TENM3: variants seen among roughly 807,000 people sequenced by gnomAD.
The protein encoded by TENM3 is teneurin transmembrane protein 3.
In TENM3, 63 loss-of-function variants were observed where a neutral mutation model predicts 255.1. That is an observed-to-expected ratio of 0.25 (90% CI 0.20 to 0.30). The LOEUF (loss-of-function observed/expected upper bound fraction) is 0.30, where lower values mean the gene tolerates loss of function less well. Ranked by LOEUF, TENM3 falls within the 10% of genes least tolerant of loss-of-function variation. The pLI is 1.00. For missense variants in TENM3, 2,929 were observed against 3,461.1 expected (o/e 0.85, Z 3.86); for synonymous variants, 1,306 against 1,322.3 (o/e 0.99, Z 0.27).
At chr4:181,573,836 G>A in the TENM3 span, among the ~76,000 whole-genome samples, 98 of 152,210 alleles carry the variant, frequency 6.4e-4, no homozygotes, top group African/African-American at 2.3e-3. Flanking sequence ...CCCTCTATGT[G>A]CTGAGCAAAC....
At chr4:181,518,645 T>C in the TENM3 span, among the ~76,000 whole-genome samples, 1 of 152,302 alleles carries the variant, frequency 6.6e-6, no homozygotes, top group African/African-American at 2.4e-5. Context: ...GCCAGGCTGG[T>C]CTCGAACTCC....
In TENM3 at chr4:182,751,843, A is replaced by G. The variant is rs773493122; in HGVS notation, c.3673A>G (p.Thr1225Ala). 13 of 1,613,956 alleles carry G rather than the reference A, an allele frequency of 8.1e-6. No individual in the cohort carries two copies. In the South Asian group the frequency reaches 1.4e-4, roughly 18 times the overall value. ...HRYYLATDPV[T>A]GDLYVSDTNT... ...ATACTACCTTGCAACGGATCCAGTC[A>G]CGGGAGATCTGTACGTTTCTGACAC... The change falls in exon 20 of 28, where the codon ACG becomes GCG. Residue 1225 changes from threonine (T) to alanine (A), a missense_variant. Thr to Ala is a moderately conservative substitution (Grantham distance 58). Around this residue, in one of 6 missense-constraint regions of TENM3, gnomAD observed 1,608 missense variants for 1,884.4 expected, o/e 0.85. Coordinates refer to ENST00000511685, the MANE Select transcript of TENM3 (RefSeq NM_001080477.4).
chr4:181,958,072 C>T, the TENM3 span, among the ~76,000 whole-genome samples: 2 of 152,126 alleles, frequency 1.3e-5, no homozygotes. Flanking sequence ...CTTCTTTGAA[C>T]TAAAATCCTT....
the TENM3 span, among the ~76,000 whole-genome samples, chr4:182,136,973 C>A: frequency 2.7e-5 from 4 of 149,594 alleles, no homozygotes; most frequent in Non-Finnish European, 6.0e-5. Context: ...CTCCAGTCAG[C>A]ATCCCCCCCC....
At chr4:181,665,533 G>A in the TENM3 span, among the ~76,000 whole-genome samples, 1 of 151,952 alleles carries the variant, frequency 6.6e-6, no homozygotes, top group Non-Finnish European at 1.5e-5. Flanking sequence ...GTGCGTGTGT[G>A]TATACGTATA....
chr4:182,151,415 A>G (rs1486411669), intron 1 of TENM3, among the ~76,000 whole-genome samples: 1 of 152,110 alleles, frequency 6.6e-6, no homozygotes, highest in Non-Finnish European at 1.5e-5. Context: ...CATCTATTCT[A>G]ATACTTTTTA....
intron 3 of TENM3, among the ~76,000 whole-genome samples, chr4:182,550,298 A>C (rs1741870622): frequency 6.6e-6 from 1 of 152,260 alleles, no homozygotes; most frequent in Non-Finnish European, 1.5e-5. Context: ...GATTCACAAA[A>C]TAAATGAAAA....
intron 1 of TENM3, among the ~76,000 whole-genome samples, chr4:182,182,322 G>C (rs990662591): frequency 6.6e-6 from 1 of 152,092 alleles, no homozygotes; most frequent in South Asian, 2.1e-4. Context: ...ATATCTACTG[G>C]TCAGTTATTT....
At chr4:182,788,222 A>T (rs185955609) in intron 24 of TENM3, among the ~76,000 whole-genome samples, 79 of 152,336 alleles carry the variant, frequency 5.2e-4, no homozygotes, top group African/African-American at 1.9e-3. Context: ...AGAAGACCAG[A>T]GAATGAATAG....
At chr4:182,701,153 C>A (rs1757824476) in intron 12 of TENM3, among the ~76,000 whole-genome samples, 1 of 149,844 alleles carries the variant, frequency 6.7e-6, no homozygotes, top group Non-Finnish European at 1.5e-5. Flanking sequence ...ATTAATGAGT[C>A]CCCACCTGAA....
intron 3 of TENM3, among the ~76,000 whole-genome samples, chr4:182,473,474 C>T (rs1448401926): frequency 6.6e-6 from 1 of 152,066 alleles, no homozygotes; most frequent in East Asian, 1.9e-4. Flanking sequence ...GAGATCGAGA[C>T]CATGCTGGCT....
At chr4:181,846,956 A>G in the TENM3 span, among the ~76,000 whole-genome samples, 1 of 152,258 alleles carries the variant, frequency 6.6e-6, no homozygotes, top group Non-Finnish European at 1.5e-5. Context: ...TTTAACAAAA[A>G]TAAATTTTGT....
At chr4:182,544,323 A>ATTTTTTTTT (rs35639483) in intron 3 of TENM3, among the ~76,000 whole-genome samples, 3 of 69,286 alleles carry the variant, frequency 4.3e-5, no homozygotes, top group East Asian at 5.4e-4. Flanking sequence ...AGCATTGTGG[A>ATTTTTTTTT]TTTTTTTTTT....
At chr4:181,661,744 G>GT in the TENM3 span, among the ~76,000 whole-genome samples, 363 of 151,854 alleles carry the variant, frequency 2.4e-3, 2 homozygotes, top group African/African-American at 8.4e-3. Flanking sequence ...TTAATGGAGG[G>GT]TTTTTTCACA....
chr4:182,493,624 CATAACTGACACTA>C (rs1735501051), intron 3 of TENM3, among the ~76,000 whole-genome samples: 1 of 152,104 alleles, frequency 6.6e-6, no homozygotes. Flanking sequence ...TTGTGTTGCT[CATAACTGACACTA>C]ATCCATTAAG....
intron 5 of TENM3, among the ~76,000 whole-genome samples, chr4:182,649,368 A>G (rs986179205): frequency 6.6e-6 from 1 of 150,644 alleles, no homozygotes; most frequent in African/African-American, 2.4e-5. Context: ...ACTGATAAAT[A>G]TATATCTCAG....
intron 3 of TENM3, among the ~76,000 whole-genome samples, chr4:182,493,331 C>A (rs936617753): frequency 6.6e-6 from 1 of 152,116 alleles, no homozygotes; most frequent in Non-Finnish European, 1.5e-5. Flanking sequence ...CTGCAATAAA[C>A]TAGTTGTTTA....
At chr4:182,039,113 T>C in the TENM3 span, among the ~76,000 whole-genome samples, 2 of 152,154 alleles carry the variant, frequency 1.3e-5, no homozygotes, top group African/African-American at 4.8e-5. Flanking sequence ...AATCTTGGGT[T>C]TTCAAGAGCC....
the TENM3 span, among the ~76,000 whole-genome samples, chr4:181,548,707 A>G: frequency 1.3e-5 from 2 of 152,208 alleles, no homozygotes; most frequent in Admixed American, 1.3e-4. Flanking sequence ...CAGAACATTA[A>G]TAAACAGACA....
Sources: allele counts gnomAD v4.1 joint callset (sites outside exome capture counted in the v4.1 genomes callset), GRCh38; gene constraint gnomAD v4.1.1; regional missense constraint gnomAD v4.1.1; transcripts MANE v1.5; gene names NCBI Gene and HGNC (gene_info 2026-07-23, HGNC 2026-07-21).